The following CYBB variants were observed in gnomAD, a reference collection of about 807,000 sequenced individuals.
CYBB encodes the protein cytochrome b-245 beta chain, also known as NADPH oxidase 2.
CYBB carries 5 observed loss-of-function variants against 46.5 expected under a neutral mutation model. That is an observed-to-expected ratio of 0.11 (90% CI 0.06 to 0.23). CYBB has a LOEUF of 0.23. Among genes scored for constraint, CYBB ranks in the 10% least tolerant of loss-of-function variants. The pLI is 1.00. For synonymous variants in CYBB, 183 were observed against 156.7 expected (o/e 1.17, Z -1.26); for missense variants, 307 against 428.3 (o/e 0.72, Z 2.50).
intron 9 of CYBB, 144 bp from the exon 10 acceptor site, chrX:37,804,862 G>T: frequency 1.6e-6 from 1 of 627,491 alleles, no homozygotes; most frequent in Non-Finnish European, 2.5e-6. Flanking sequence ...TTACTTGAAA[G>T]CTATTTCATA....
At chrX:37,781,807 G>GA (rs1556464507) in intron 1 of CYBB, among the ~76,000 whole-genome samples, 1 of 111,200 alleles carries the variant, frequency 9.0e-6, no homozygotes, top group Admixed American at 9.5e-5. Context: ...AAAGAGAGGG[G>GA]AAAAAAAGGG....
At chrX:37,809,045 C>T (rs1048441189) in intron 11 of CYBB, among the ~76,000 whole-genome samples, 1 of 112,277 alleles carries the variant, frequency 8.9e-6, no homozygotes, top group African/African-American at 3.2e-5. Context: ...CACATATGTG[C>T]GTGCACACAC....
At position 37,803,862 on chromosome X, in the gene CYBB, T is replaced by A. The variant is rs1569479931; in HGVS notation, c.898-15T>A. ...AGGAAAAATGTCATTTCCAGACATA[T>A]GTTTTATTCTATAGGTGGTCACTCA... On this transcript the variant is annotated splice_polypyrimidine_tract_variant and intron_variant, in intron 8 of 12. Transcript: ENST00000378588. The A allele has an allele frequency of 8.3e-7, 1 of 1,208,594 alleles. No homozygotes were observed. The highest frequency in any genetic ancestry group is 1.1e-6 in the Non-Finnish European group (1 of 893,081).
At chrX:37,788,353 G>A (rs1479705683) in intron 3 of CYBB, among the ~76,000 whole-genome samples, 7 of 111,661 alleles carry the variant, frequency 6.3e-5, no homozygotes, top group East Asian at 2.8e-4. Flanking sequence ...AGACATGGGG[G>A]TAAATTCATC....
intron 6 of CYBB, 65 bp downstream of exon 6, chrX:37,796,206 T>A: frequency 1.0e-6 from 1 of 978,509 alleles, no homozygotes; most frequent in Non-Finnish European, 1.5e-6. Context: ...GATGCTCCAT[T>A]AGAGGCACAG....
At chrX:37,804,262 G>C in intron 9 of CYBB, 132 bp downstream of exon 9, 1 of 627,564 alleles carries the variant, frequency 1.6e-6, no homozygotes, top group South Asian at 2.7e-5. Flanking sequence ...AGCTATTTCT[G>C]TGGTCACCGT....
At chrX:37,787,666 A>G (rs956621091) in intron 3 of CYBB, among the ~76,000 whole-genome samples, 1 of 112,085 alleles carries the variant, frequency 8.9e-6, no homozygotes, top group Admixed American at 9.5e-5. Context: ...GCAATAATTT[A>G]GAAGTAACTC....
chrX:37,783,412 A>C (rs1369688261), intron 2 of CYBB, 78 bp from the exon 3 acceptor site: 13 of 653,191 alleles, frequency 2.0e-5, no homozygotes, highest in Non-Finnish European at 2.8e-5. Flanking sequence ...GCCTCATGCT[A>C]AGAACCTTGG....
At chrX:37,806,896 CTGTGTGTGTG>C (rs72172606) in intron 11 of CYBB, among the ~76,000 whole-genome samples, 5 of 106,387 alleles carry the variant, frequency 4.7e-5, no homozygotes, top group East Asian at 5.9e-4. Context: ...CTCTCTGTCT[CTGTGTGTGTG>C]TGTGTGTGTG....
chrX:37,806,992 A>G (rs12848910), intron 11 of CYBB, among the ~76,000 whole-genome samples: 6,534 of 110,697 alleles, frequency 0.059, 202 homozygotes, highest in Non-Finnish European at 0.091. Flanking sequence ...TGAAAGCAAT[A>G]TGCATTCAGT....
chrX:37,784,920 A>T (rs1388270364), intron 3 of CYBB, among the ~76,000 whole-genome samples: 4 of 111,562 alleles, frequency 3.6e-5, no homozygotes, highest in African/African-American at 1.3e-4. Context: ...CAATTACAGA[A>T]TATTTGAAGG....
intron 4 of CYBB, among the ~76,000 whole-genome samples, chrX:37,792,705 G>A: frequency 9.0e-6 from 1 of 111,084 alleles, no homozygotes; most frequent in Non-Finnish European, 1.9e-5. Context: ...TATAAGCACA[G>A]TGATAAAGCA....
intron 5 of CYBB, 44 bp from the exon 6 acceptor site, chrX:37,795,889 CATGTGTGTGTGTGTGTGT>C: frequency 1.4e-6 from 1 of 690,045 alleles, no homozygotes; most frequent in African/African-American, 2.4e-5. Context: ...TGCTTGCGCA[CATGTGTGTGTGTGTGTGT>C]GTGTGTGTGT....
At chrX:37,782,999 A>T (rs1397094012) in intron 2 of CYBB, among the ~76,000 whole-genome samples, 1 of 111,523 alleles carries the variant, frequency 9.0e-6, no homozygotes, top group Admixed American at 9.6e-5. Flanking sequence ...TACTGTTAAG[A>T]TCAATTTAAG....
At chrX:37,805,690 AT>A (rs1929545853) in intron 10 of CYBB, among the ~76,000 whole-genome samples, 1 of 110,877 alleles carries the variant, frequency 9.0e-6, no homozygotes, top group Non-Finnish European at 1.9e-5. Flanking sequence ...GATTGATTCA[AT>A]TTCCAGCCGC....
At chrX:37,786,413 T>G (rs1203703135) in intron 3 of CYBB, among the ~76,000 whole-genome samples, 1 of 111,942 alleles carries the variant, frequency 8.9e-6, no homozygotes, top group African/African-American at 3.2e-5. Context: ...TATATATGAG[T>G]GTTTGAGCAT....
chrX:37,782,853 A>G (rs1928980918), intron 2 of CYBB, among the ~76,000 whole-genome samples: 1 of 111,714 alleles, frequency 9.0e-6, no homozygotes, highest in Non-Finnish European at 1.9e-5. Flanking sequence ...ATTTTAGCAT[A>G]TAATTATGCT....
At position 37,782,141 on chromosome X, in the gene CYBB, T is replaced by C. The variant is rs781937944; in HGVS notation, c.99T>C (p.Tyr33=). The C allele has an allele frequency of 9.1e-6, 11 of 1,209,333 alleles. No homozygotes were observed. The Admixed American group carries it at 2.4e-4, about 26-fold the overall frequency. ...TCTTTGTCTGGTATTACCGGGTTTA[T>C]GATATTCCACCTAAGTTCTTTTACA... The part of the protein sequence containing the change: ...VFLFVWYYRV[Y]DIPPKFFYTR... Residue 33 remains tyrosine (Y), a synonymous_variant, in exon 2 of 13, where the codon TAT becomes TAC. Transcript: ENST00000378588.
chrX:37,787,437 A>G, intron 3 of CYBB, among the ~76,000 whole-genome samples: 1 of 111,844 alleles, frequency 8.9e-6, no homozygotes, highest in Non-Finnish European at 1.9e-5. Flanking sequence ...CATTTTCTTG[A>G]AATATTTTTT....
Sources: allele counts gnomAD v4.1 joint callset (sites outside exome capture counted in the v4.1 genomes callset), GRCh38; gene constraint gnomAD v4.1.1; transcripts MANE v1.5; gene names NCBI Gene and HGNC (gene_info 2026-07-23, HGNC 2026-07-21).